SLC35F5: variants seen among roughly 807,000 people sequenced by gnomAD.
SLC35F5 encodes HCV NS5A-transactivated protein 3.
A neutral mutation model predicts 68.6 loss-of-function variants in SLC35F5; 54 were observed. The observed-to-expected ratio is 0.79, with a 90% CI of 0.63 to 0.99. SLC35F5 has a LOEUF of 0.99. SLC35F5 is among the 50% of genes least tolerant of loss of function. SLC35F5 has a pLI of 0.00. For missense variants in SLC35F5, 567 were observed against 626.9 expected (o/e 0.90, Z 1.02); for synonymous variants, 211 against 205.2 (o/e 1.03, Z -0.24).
intron 7 of SLC35F5, among the ~76,000 whole-genome samples, chr2:113,737,009 A>T (rs372126556): frequency 6.6e-6 from 1 of 152,234 alleles, no homozygotes; most frequent in African/African-American, 2.4e-5. Context: ...CACCTGGTGC[A>T]TAAGTACATG....
intron 15 of SLC35F5, 99 bp from the exon 16 acceptor site, chr2:113,715,294 AT>A (rs1277812572): frequency 6.6e-6 from 1 of 152,220 alleles, no homozygotes; most frequent in African/African-American, 2.4e-5. Context: ...TAAAATTGAA[AT>A]ACCTATTTTC....
chr2:113,728,353 T>C (rs1687748933), intron 11 of SLC35F5, among the ~76,000 whole-genome samples: 1 of 152,124 alleles, frequency 6.6e-6, no homozygotes, highest in Non-Finnish European at 1.5e-5. Context: ...TTGCCCAGGC[T>C]GATCTTGAAT....
At position 113,743,895 on chromosome 2, in the gene SLC35F5, G is replaced by A. The variant is rs529409659; in HGVS notation, c.481-101C>T. 113 of 917,714 alleles carry A rather than the reference G, an allele frequency of 1.2e-4. 2 individuals are homozygous for A. Among genetic ancestry groups the A allele is most frequent in the South Asian group, 8.7e-4 (37 of 42,490 alleles). 56.8% of individuals were successfully genotyped at this position (917,714 alleles called of 1,614,324 possible). ...CGTAGACACAAATACCATCTAAAAC[G>A]TGGTTGTTCACCACCAAGTTTAAAC... is the stretch of plus-strand genomic sequence containing the variant. On this transcript the variant is annotated intron_variant, in intron 5 of 15. Transcript: ENST00000245680.
At chr2:113,704,919 G>C (rs906439091), downstream of SLC35F5, 2 of 152,758 alleles carry the variant, frequency 1.3e-5, no homozygotes, top group African/African-American at 4.8e-5. Context: ...CAGAGGAGGC[G>C]GGGAGAGTGA....
At chr2:113,752,298 C>A (rs536783652) in intron 3 of SLC35F5, among the ~76,000 whole-genome samples, 2 of 149,494 alleles carry the variant, frequency 1.3e-5, no homozygotes, top group South Asian at 2.1e-4. Flanking sequence ...GGGAATAACT[C>A]AAAAAAAAAT....
Position 113,756,487 on chromosome 2 carries a change from A to C in SLC35F5, c.-78T>G. 1 of 1,524,482 alleles carries C rather than the reference A, an allele frequency of 6.6e-7. No homozygotes were observed. The highest frequency in any genetic ancestry group is 8.8e-7 in the Non-Finnish European group (1 of 1,139,548). 94.4% of individuals were successfully genotyped at this position (1,524,482 alleles called of 1,614,324 possible). On this transcript the variant is annotated 5_prime_UTR_variant, in exon 1 of 16. Coordinates refer to ENST00000245680, the MANE Select transcript of SLC35F5 (RefSeq NM_025181.5). ...ACTCACAGAGCTGTCACCGCGCCTG[A>C]CATCGCGCCGCACTGGAGGCCCAGC...
chr2:113,755,615 T>A, intron 1 of SLC35F5, 71 bp from the exon 2 acceptor site: 1 of 1,388,822 alleles, frequency 7.2e-7, no homozygotes, highest in Admixed American at 1.9e-5. Flanking sequence ...CATCGTTTTT[T>A]ACTCTTCATC....
Position 113,742,864 on chromosome 2 carries a change from C to T in SLC35F5, c.578G>A (p.Arg193His), listed in dbSNP as rs776435612. ...IDTEKTPKKS[R>H]VRFSNIMEIR... ...CTCCATGATATTACTGAACCTCACA[C>T]GAGACTTTTTGGGGGCTTAAAAGGA... Residue 193 changes from arginine (R) to histidine (H), a missense_variant, in exon 7 of 16, where the codon CGT (arginine) becomes CAT (histidine). By Grantham distance (29) the Arg-to-His change is conservative. Transcript: ENST00000245680. 20 of 1,612,908 alleles carry T rather than the reference C, an allele frequency of 1.2e-5. No homozygotes were observed. The African/African-American group carries it at 1.6e-4, about 13-fold the overall frequency.
intron 13 of SLC35F5, among the ~76,000 whole-genome samples, chr2:113,719,916 A>G (rs1687360138): frequency 6.6e-6 from 1 of 152,062 alleles, no homozygotes; most frequent in South Asian, 2.1e-4. Flanking sequence ...AAGGAATGTT[A>G]GCCAGAGAAG....
At chr2:113,706,569 T>G (rs1190602520), downstream of SLC35F5, among the ~76,000 whole-genome samples, 4 of 152,222 alleles carry the variant, frequency 2.6e-5, no homozygotes, top group Non-Finnish European at 1.5e-5. Context: ...ATTCAAAAAT[T>G]TCACCTTTTG....
In SLC35F5 at chr2:113,713,967, T is replaced by A. The variant is rs748621697; in HGVS notation, c.*1251A>T. 2.6e-5 allele frequency: 4 copies of A among 152,056 alleles called. No homozygotes were observed. The highest frequency in any genetic ancestry group is 1.3e-4 in the Admixed American group (2 of 15,276). The allele number at this position is 152,056 out of a possible 1,614,324, so 9.4% of individuals were successfully genotyped here. ...TTAAAAATCAGATTAGTTAAGAAAT[T>A]TTGAAGAGAACTAAACTCTTCACAG... On this transcript the variant is annotated 3_prime_UTR_variant, in exon 16 of 16. Transcript: ENST00000245680.
rs1368742040 is a variant in SLC35F5 at position 113,719,539 on chromosome 2, T to C, written c.1342-231A>G. On this transcript the variant is annotated intron_variant, in intron 13 of 15. Coordinates refer to ENST00000245680, the MANE Select transcript of SLC35F5 (RefSeq NM_025181.5). The stretch of plus-strand genomic sequence containing the variant: ...ACAACAATAGTTCTTGCTTGGAAAA[T>C]AGGCTAAAGGAAAGCCAAGAAAGCA... The C allele has an allele frequency of 1.4e-5, 5 of 357,862 alleles. 1 individual carries two copies. In the South Asian group the frequency reaches 2.2e-4, roughly 16 times the overall value. 22.2% of individuals were successfully genotyped at this position (357,862 alleles called of 1,614,324 possible). A position where few individuals can be genotyped will look rare whatever the true frequency, so the allele number is the denominator to read the frequency against.
chr2:113,731,152 G>T lies in SLC35F5; in HGVS notation c.985+432C>A, dbSNP rs374489868. 4.6e-5 allele frequency among the ~76,000 whole-genome samples: 7 copies of T among 152,136 alleles called. No individual in the cohort carries two copies. In the East Asian group the frequency reaches 9.7e-4, roughly 21 times the overall value. Reference sequence around the variant, plus strand: ...GAGGAACATTCTACAAACCAACTAGGTGGTACCCTACAAAAGTGTCAAGGT... The same window carrying T: ...GAGGAACATTCTACAAACCAACTAGTTGGTACCCTACAAAAGTGTCAAGGT... On this transcript the variant is annotated intron_variant, in intron 10 of 15. Coordinates refer to ENST00000245680, the MANE Select transcript of SLC35F5 (RefSeq NM_025181.5).
intron 2 of SLC35F5, 26 bp downstream of exon 2, chr2:113,755,428 A>T (rs1295633199): frequency 1.9e-6 from 3 of 1,611,770 alleles, no homozygotes; most frequent in Non-Finnish European, 2.5e-6. Context: ...TGTGAAAGTT[A>T]CATAGAGGAT....
intron 1 of SLC35F5, chr2:113,755,876 T>C (rs1342433903): frequency 9.0e-6 from 14 of 1,550,510 alleles, no homozygotes; most frequent in South Asian, 2.4e-5. Flanking sequence ...GAGGAATCCA[T>C]CCCTGGGGAC....
chr2:113,738,735 T>C (rs1240861193), intron 7 of SLC35F5, among the ~76,000 whole-genome samples: 4 of 120,522 alleles, frequency 3.3e-5, no homozygotes, highest in Non-Finnish European at 7.5e-5. Flanking sequence ...TAACTCCTTT[T>C]GATCTACACT....
chr2:113,722,727 T>C (rs781697285), intron 13 of SLC35F5, among the ~76,000 whole-genome samples: 45 of 152,212 alleles, frequency 3.0e-4, no homozygotes, highest in Non-Finnish European at 5.6e-4. Flanking sequence ...GCAAACAGCA[T>C]GATTCCTGTG....
rs943676204 is a variant in SLC35F5, at chr2:113,723,136, G to A, written c.1309C>T (p.Leu437=). The change falls in exon 13 of 16, where the codon CTG becomes TTG. Residue 437 remains leucine, a synonymous_variant. Transcript: ENST00000245680. The part of the protein sequence containing the change: ...GTLALSLTIP[L]SIIADMCMQK... ...ATACACATGTCAGCTATTATGGACA[G>A]AGGTATTGTAAGGCTTAGTGCAAGT... is the stretch of plus-strand genomic sequence containing the variant. 6 of 1,588,170 alleles carry A rather than the reference G, an allele frequency of 3.8e-6. No individual in the cohort carries two copies. In the African/African-American group the frequency reaches 8.1e-5, roughly 21 times the overall value.
At chr2:113,706,496 G>A (rs1233908059), downstream of SLC35F5, among the ~76,000 whole-genome samples, 1 of 152,170 alleles carries the variant, frequency 6.6e-6, no homozygotes, top group African/African-American at 2.4e-5. Flanking sequence ...TTCAATGGAA[G>A]GGACTTATCA....
Sources: gnomAD v4.1 joint callset for allele counts (sites outside exome capture counted in the v4.1 genomes callset) on GRCh38, gnomAD v4.1.1 for gene constraint, MANE v1.5 for transcripts, NCBI Gene and HGNC (gene_info 2026-07-23, HGNC 2026-07-21) for gene names.